PHF7: variants seen among roughly 807,000 people sequenced by gnomAD.
The protein encoded by PHF7 is E3 ubiquitin-protein ligase PHF7.
Under a neutral mutation model 47.5 loss-of-function variants are expected in PHF7, and 24 were observed. The observed-to-expected ratio is 0.51, with a 90% CI of 0.37 to 0.71. The LOEUF (loss-of-function observed/expected upper bound fraction) is 0.71. Among genes scored for constraint, PHF7 ranks in the 30% least tolerant of loss-of-function variants. PHF7 has a pLI of 0.00. For missense variants in PHF7, 361 were observed against 456.8 expected (o/e 0.79, Z 1.91); for synonymous variants, 156 against 153.8 (o/e 1.01, Z -0.11).
rs560257760 is a variant in PHF7 at position 52,414,025 on chromosome 3, A to C, written c.71A>C (p.Gln24Pro). The C allele has an allele frequency of 6.2e-7, 1 of 1,611,894 alleles. No homozygotes were observed. Among genetic ancestry groups the C allele is most frequent in the African/African-American group, 1.3e-5 (1 of 74,972 alleles). Reference sequence around the variant, plus strand: ...TCTGCCAAGACTAGGAGGGTAACCCAGAGGAAACCGTCTTCAGGGCCTGGT... The same window carrying C: ...TCTGCCAAGACTAGGAGGGTAACCCCGAGGAAACCGTCTTCAGGGCCTGGT... ...RKSAKTRRVTQRKPSSGPVCW... is the reference protein window; with the variant it reads ...RKSAKTRRVTPRKPSSGPVCW... Residue 24 changes from glutamine (Q) to proline (P), a missense_variant, in exon 3 of 11, where the codon CAG becomes CCG. Gln to Pro is a moderately conservative substitution (Grantham distance 76, BLOSUM62 -1). Transcript: ENST00000327906.
chr3:52,422,191 T>C (rs757233667), intron 8 of PHF7, 31 bp from the exon 9 acceptor site: 2 of 1,435,592 alleles, frequency 1.4e-6, no homozygotes, highest in East Asian at 4.5e-5. Flanking sequence ...ACCCATTATG[T>C]TCTTATTCAC....
In PHF7 at chr3:52,420,991, T is replaced by C; in HGVS notation, c.502T>C (p.Ser168Pro). 1.2e-6 allele frequency: 2 copies of C among 1,613,816 alleles called. No individual in the cohort carries two copies. Among genetic ancestry groups the C allele is most frequent in the South Asian group, 1.1e-5 (1 of 91,050 alleles). Residue 168 changes from serine (S) to proline (P), a missense_variant, in exon 7 of 11, where the codon TCC becomes CCC. Transcript: ENST00000327906. ...CTGCATCTTATGTTGTGAAGACTTA[T>C]CCCAACAGAGTGTTGAGAACATCCA... ...ESCILCCEDLSQQSVENIQSP... is the reference protein window; with the variant it reads ...ESCILCCEDLPQQSVENIQSP...
At position 52,412,850 on chromosome 3, in the gene PHF7, A is replaced by G; in HGVS notation, c.-30A>G. On this transcript the variant is annotated 5_prime_UTR_variant, in exon 2 of 11. Coordinates refer to ENST00000327906, the MANE Select transcript of PHF7 (RefSeq NM_016483.7). ...ATTGTCCTCACAATAGTATAGAAGA[A>G]TTCAAGAGAGGAGAGAGAGACAGCA... 6.4e-7 allele frequency: 1 copy of G among 1,573,702 alleles called. No homozygotes were observed. Among genetic ancestry groups the G allele is most frequent in the Non-Finnish European group, 8.7e-7 (1 of 1,144,742 alleles).
At chr3:52,415,975 G>GA (rs1705611077) in intron 4 of PHF7, among the ~76,000 whole-genome samples, 1 of 152,148 alleles carries the variant, frequency 6.6e-6, no homozygotes, top group Non-Finnish European at 1.5e-5. Context: ...TGTCCAAAGC[G>GA]GTTGTACCAG....
rs753254673 is a variant in PHF7 at position 52,420,941 on chromosome 3, A to G, written c.452A>G (p.Gln151Arg). Residue 151 changes from glutamine (Q) to arginine (R), a missense_variant, in exon 7 of 11, where the codon CAA becomes CGA. Transcript: ENST00000327906. ...AAACATCGCCCAACACAGAACATCC[A>G]ACATGGGCATGTGGGGGAGGAAAGC... ...CDKHRPTQNI[Q>R]HGHVGEESCI... The G allele has an allele frequency of 8.1e-6, 13 of 1,613,340 alleles. No homozygotes were observed. Among genetic ancestry groups the G allele is most frequent in the Non-Finnish European group, 1.1e-5 (13 of 1,179,596 alleles).
Position 52,420,381 on chromosome 3 carries a change from A to G in PHF7, c.359A>G (p.His120Arg). ...AAGGATCAGTGCCTCAGAAACTTCC[A>G]TCTGCCTTGTGGCCAAGAAAGGGGT... ...CQKDQCLRNFHLPCGQERGCL... is the reference protein window; with the variant it reads ...CQKDQCLRNFRLPCGQERGCL... Residue 120 changes from histidine to arginine, a missense_variant, in exon 6 of 11, where the codon CAT (histidine) becomes CGT (arginine). His to Arg is a conservative substitution (Grantham distance 29). Coordinates refer to ENST00000327906, the MANE Select transcript of PHF7 (RefSeq NM_016483.7). The G allele has an allele frequency of 6.2e-7, 1 of 1,614,040 alleles. No individual in the cohort carries two copies. The highest frequency in any genetic ancestry group is 8.5e-7 in the Non-Finnish European group (1 of 1,179,870).
chr3:52,416,279 G>A (rs973863271), intron 4 of PHF7, among the ~76,000 whole-genome samples: 125 of 149,694 alleles, frequency 8.4e-4, no homozygotes, highest in African/African-American at 2.8e-3. Context: ...TCCACCTCCC[G>A]GGTTGGAGCA....
intron 4 of PHF7, among the ~76,000 whole-genome samples, chr3:52,419,156 G>A (rs1384841574): frequency 6.6e-6 from 1 of 152,068 alleles, no homozygotes; most frequent in Admixed American, 6.6e-5. Context: ...TTCCCCCAAA[G>A]TCCCAGCACA....
intron 5 of PHF7, 33 bp downstream of exon 5, chr3:52,419,967 A>G: frequency 7.8e-7 from 1 of 1,286,148 alleles, no homozygotes; most frequent in South Asian, 1.3e-5. Context: ...ACCTTGGGGT[A>G]GGCCTCTTTT....
rs573969575 is a variant in PHF7 at position 52,420,243 on chromosome 3, A to G, written c.289-68A>G. 1.8e-5 allele frequency: 27 copies of G among 1,538,756 alleles called. No homozygotes were observed. The East Asian group carries it at 5.2e-4, about 29-fold the overall frequency. ...TTCACAAAACTTCCATTTAATAGAA[A>G]GATGTGCTACACTGTGTGTGTTTGC... is the stretch of plus-strand genomic sequence containing the variant. On this transcript the variant is annotated intron_variant, in intron 5 of 10. Transcript: ENST00000327906.
At chr3:52,417,876 A>G (rs1358799457) in intron 4 of PHF7, among the ~76,000 whole-genome samples, 2 of 151,992 alleles carry the variant, frequency 1.3e-5, no homozygotes, top group Non-Finnish European at 2.9e-5. Flanking sequence ...GACAGCATCT[A>G]GTTTTTCACT....
At chr3:52,423,070 C>T (rs368397043) in intron 10 of PHF7, 21 bp from the exon 11 acceptor site, 2 of 1,567,118 alleles carry the variant, frequency 1.3e-6, no homozygotes, top group African/African-American at 1.4e-5. Context: ...GAGTTTTCCT[C>T]TCCTGCCTTT....
intron 2 of PHF7, among the ~76,000 whole-genome samples, chr3:52,413,281 A>G (rs1179709056): frequency 1.3e-5 from 2 of 152,216 alleles, no homozygotes; most frequent in Non-Finnish European, 2.9e-5. Flanking sequence ...AATTGAGCCA[A>G]TACATGTAAA....
chr3:52,421,857 G>C lies in PHF7; in HGVS notation c.680+103G>C. On this transcript the variant is annotated intron_variant, in intron 8 of 10. Coordinates refer to ENST00000327906, the MANE Select transcript of PHF7 (RefSeq NM_016483.7). ...TAGTTCAGAGAATGAGAGCAGCAGA[G>C]GCACTGATAAGAAGGAAGGGGAGGA... The C allele has an allele frequency of 5.7e-6, 4 of 696,086 alleles. No individual in the cohort carries two copies. The Admixed American group carries it at 8.9e-5, about 15-fold the overall frequency. The allele number at this position is 696,086 out of a possible 1,614,324, so 43.1% of individuals were successfully genotyped here.
rs1452591031 is a variant in PHF7, at chr3:52,419,818, C to G, written c.187-15C>G. 1 of 1,409,908 alleles carries G rather than the reference C, an allele frequency of 7.1e-7. No homozygotes were observed. The highest frequency in any genetic ancestry group is 1.8e-5 in the Admixed American group (1 of 56,778). 87.3% of individuals were successfully genotyped at this position (1,409,908 alleles called of 1,614,324 possible). A position where few individuals can be genotyped will look rare whatever the true frequency, so the allele number is the denominator to read the frequency against. ...GATCATCATTGTTAACAGCCTGGTT[C>G]TACTGCCCCCGCAGATCTTATCTAG... is the stretch of plus-strand genomic sequence containing the variant. On this transcript the variant is annotated splice_polypyrimidine_tract_variant and intron_variant, in intron 4 of 10. Coordinates refer to ENST00000327906, the MANE Select transcript of PHF7 (RefSeq NM_016483.7).
At chr3:52,414,831 T>C in intron 4 of PHF7, 1 of 156,094 alleles carries the variant, frequency 6.4e-6, no homozygotes, top group East Asian at 1.8e-4. Flanking sequence ...CAACCTTGTC[T>C]CTACAAAAAA....
intron 4 of PHF7, among the ~76,000 whole-genome samples, chr3:52,416,898 A>G (rs1247754838): frequency 6.6e-6 from 1 of 151,490 alleles, no homozygotes; most frequent in Non-Finnish European, 1.5e-5. Context: ...TATATTTCAG[A>G]TACAAATTCT....
At chr3:52,422,962 T>A in intron 10 of PHF7, 81 bp downstream of exon 10, 1 of 1,582,462 alleles carries the variant, frequency 6.3e-7, no homozygotes, top group Non-Finnish European at 8.7e-7. Context: ...GAGGAAGACA[T>A]CCCACCAGAG....
intron 6 of PHF7, 132 bp from the exon 7 acceptor site, chr3:52,420,771 T>C (rs1299232360): frequency 2.6e-6 from 2 of 782,190 alleles, no homozygotes; most frequent in Non-Finnish European, 4.2e-6. Flanking sequence ...TTCTTCACTC[T>C]GCCTCTCCTC....
Sources: gnomAD v4.1 joint callset for allele counts (sites outside exome capture counted in the v4.1 genomes callset) on GRCh38, gnomAD v4.1.1 for gene constraint, MANE v1.5 for transcripts, NCBI Gene and HGNC (gene_info 2026-07-23, HGNC 2026-07-21) for gene names.